The following KCNT1 variants were observed in gnomAD, a reference collection of about 807,000 sequenced individuals.
The protein encoded by KCNT1 is potassium sodium-activated channel subfamily T member 1.
Under a neutral mutation model 147.8 loss-of-function variants are expected in KCNT1, and 78 were observed. The ratio of observed to expected loss-of-function variants is 0.53; its 90% CI spans 0.44 to 0.64. The LOEUF (loss-of-function observed/expected upper bound fraction) is 0.64, where lower values mean the gene tolerates loss of function less well. KCNT1 is among the 30% of genes least tolerant of loss of function. KCNT1 has a pLI of 0.00. For missense variants in KCNT1, 1,419 were observed against 1,750.3 expected (o/e 0.81, Z 3.38); for synonymous variants, 867 against 748.8 (o/e 1.16, Z -2.58).
Position 135,737,319 on chromosome 9 carries a change from G to C in KCNT1, c.255-12779G>C, listed in dbSNP as rs556060280. Among the ~76,000 whole-genome samples the C allele has an allele frequency of 2.1e-3, 320 of 152,294 alleles. 2 individuals are homozygous for C. The highest frequency in any genetic ancestry group is 5.6e-3 in the South Asian group (27 of 4,824). On this transcript the variant is annotated intron_variant, in intron 2 of 30. Transcript: ENST00000371757. ...GTGGCCGTCCTCTGGGGATGGTTGG[G>C]CAGGTGGAGCAGCGCCTACCCCTCC...
intron 19 of KCNT1, among the ~76,000 whole-genome samples, chr9:135,774,699 G>T (rs768557082): frequency 6.6e-6 from 1 of 152,068 alleles, no homozygotes; most frequent in Non-Finnish European, 1.5e-5. Context: ...GTGTGCATAC[G>T]CCTGCATGTG....
Position 135,714,592 on chromosome 9 carries a change from G to A in KCNT1, c.126G>A (p.Gly42=), listed in dbSNP as rs1278186698. The A allele has an allele frequency of 7.9e-6, 11 of 1,389,062 alleles. No individual in the cohort carries two copies. Among genetic ancestry groups the A allele is most frequent in the African/African-American group, 1.5e-5 (1 of 65,962 alleles). The allele number at this position is 1,389,062 out of a possible 1,614,324, so 86.0% of individuals were successfully genotyped here. ...GTGCCCGCAGGCGGCCCTGCGCGGG[G>A]GACGGCGCGCTCCTGGACACCGCCG... ...GQCAPRRPCA[G]DGALLDTAGF... is the part of the protein sequence containing the mutation. The change falls in exon 2 of 31, where the codon GGG becomes GGA. Residue 42 remains glycine (G), a synonymous_variant. Transcript: ENST00000371757. The surrounding 1 kb of genome is among the most constrained non-coding windows in gnomAD (Gnocchi z 6.2).
rs1222700825 is a variant in KCNT1 at position 135,786,343 on chromosome 9, G to A, written c.3324G>A (p.Lys1108=). The A allele has an allele frequency of 3.8e-6, 6 of 1,590,742 alleles. No individual in the cohort carries two copies. In the East Asian group the frequency reaches 9.1e-5, roughly 24 times the overall value. ...DPAEHPLLRR[K]SLQWARRLSR... ...CAGAGCACCCACTGCTACGGCGCAA[G>A]AGCCTGCAGTGGGCCCGGAGGCTGA... Residue 1108 remains lysine (K), a synonymous_variant, in exon 29 of 31, where the codon AAG becomes AAA. Coordinates refer to ENST00000371757, the MANE Select transcript of KCNT1 (RefSeq NM_020822.3).
chr9:135,768,615 A>G lies in KCNT1; in HGVS notation c.1343A>G (p.Asp448Gly). Residue 448 changes from aspartate (D) to glycine (G), a missense_variant, in exon 14 of 31, where the codon GAC becomes GGC. Coordinates refer to ENST00000371757, the MANE Select transcript of KCNT1 (RefSeq NM_020822.3). ...KDQDLMRAKMDNGEACFILSS... is the reference protein window; with the variant it reads ...KDQDLMRAKMGNGEACFILSS... ...CAGGCCCTGGTGCATTGCAGGATGG[A>G]CAATGGGGAGGCCTGCTTCATCCTC... The G allele has an allele frequency of 6.5e-7, 1 of 1,550,246 alleles. No individual in the cohort carries two copies. Among genetic ancestry groups the G allele is most frequent in the Non-Finnish European group, 8.7e-7 (1 of 1,146,732 alleles).
Position 135,779,408 on chromosome 9 carries a change from A to G in KCNT1, c.2779A>G (p.Met927Val), listed in dbSNP as rs1486195544. The G allele has an allele frequency of 1.2e-6, 2 of 1,613,160 alleles. No individual in the cohort carries two copies. Among genetic ancestry groups the G allele is most frequent in the African/African-American group, 1.3e-5 (1 of 74,998 alleles). Residue 927 changes from methionine to valine, a missense_variant, in exon 24 of 31, where the codon ATG (methionine) becomes GTG (valine). Around this residue, in one of 5 missense-constraint regions of KCNT1, gnomAD observed 247 missense variants for 397.1 expected, o/e 0.62. Transcript: ENST00000371757. ...ITTELTHPSN[M>V]RFMQFRAKDS... is the part of the protein sequence containing the mutation. Reference sequence around the variant, plus strand: ...CACGGAGCTCACCCACCCTTCCAACATGCGCTTCATGCAGTTCCGCGCCAA... The same window carrying G: ...CACGGAGCTCACCCACCCTTCCAACGTGCGCTTCATGCAGTTCCGCGCCAA...
At chr9:135,774,410 TGG>T (rs1564376389) in intron 19 of KCNT1, among the ~76,000 whole-genome samples, 1 of 139,010 alleles carries the variant, frequency 7.2e-6, no homozygotes, top group Non-Finnish European at 1.5e-5. Context: ...CGTGTGTGTG[TGG>T]TGTGTGTCTG....
chr9:135,760,470 C>T (rs1439689888), intron 11 of KCNT1, among the ~76,000 whole-genome samples: 10 of 152,206 alleles, frequency 6.6e-5, no homozygotes, highest in Non-Finnish European at 1.3e-4. Flanking sequence ...AAGGAGGGGA[C>T]CCCTGTGGGT....
chr9:135,718,153 C>G (rs1835790758), intron 2 of KCNT1, among the ~76,000 whole-genome samples: 1 of 152,212 alleles, frequency 6.6e-6, no homozygotes, highest in African/African-American at 2.4e-5. Context: ...CATCCCATAT[C>G]TCCTCATCTT....
At chr9:135,721,222 C>T (rs1184988659) in intron 2 of KCNT1, among the ~76,000 whole-genome samples, 1 of 152,180 alleles carries the variant, frequency 6.6e-6, no homozygotes, top group African/African-American at 2.4e-5. Context: ...TCCGCTCCAG[C>T]ACCGGGTCCC....
chr9:135,727,227 T>C (rs1379864578), intron 2 of KCNT1, among the ~76,000 whole-genome samples: 32 of 24,588 alleles, frequency 1.3e-3, no homozygotes, highest in Middle Eastern at 0.019. Context: ...CTCTCTCTCT[T>C]TCCCATTCTC....
chr9:135,727,424 T>C, intron 2 of KCNT1, among the ~76,000 whole-genome samples: 1 of 118,088 alleles, frequency 8.5e-6, no homozygotes, highest in African/African-American at 3.1e-5. Context: ...TTTTCCCTTC[T>C]CTCCCCCCTC....
chr9:135,787,095 TTTGGGGGAACAG>T (rs879467470), intron 29 of KCNT1, among the ~76,000 whole-genome samples: 2 of 151,898 alleles, frequency 1.3e-5, no homozygotes, highest in Non-Finnish European at 2.9e-5. Context: ...GGGGGGAGAC[TTTGGGGGAACAG>T]TTGGGGGAAA....
intron 28 of KCNT1, 103 bp downstream of exon 28, chr9:135,785,433 G>A (rs1833966713): frequency 8.5e-6 from 9 of 1,062,154 alleles, no homozygotes; most frequent in Non-Finnish European, 1.1e-5. Context: ...CCACCCACAG[G>A]GCCCTGGGAA....
intron 24 of KCNT1, among the ~76,000 whole-genome samples, chr9:135,782,720 T>G (rs557355543): frequency 6.6e-6 from 1 of 152,318 alleles, no homozygotes; most frequent in East Asian, 1.9e-4. Flanking sequence ...TTAGCGTTGT[T>G]CTGAGTAAAG....
intron 23 of KCNT1, among the ~76,000 whole-genome samples, 160 bp downstream of exon 23, chr9:135,778,982 C>T (rs1314310723): frequency 6.8e-6 from 1 of 146,430 alleles, no homozygotes; most frequent in Non-Finnish European, 1.5e-5. Context: ...GCCACGACCA[C>T]GGGCCCTCGC....
intron 6 of KCNT1, among the ~76,000 whole-genome samples, chr9:135,756,555 C>T (rs1831491712): frequency 6.6e-6 from 1 of 152,180 alleles, no homozygotes; most frequent in East Asian, 1.9e-4. Flanking sequence ...GTTCCCTCCC[C>T]ACCAGGGCAG....
At chr9:135,745,583 G>A (rs867866589) in intron 2 of KCNT1, among the ~76,000 whole-genome samples, 26 of 152,230 alleles carry the variant, frequency 1.7e-4, no homozygotes, top group African/African-American at 6.0e-4. Context: ...AATGGAGCCT[G>A]TGAGCAAGGG....
chr9:135,791,818 A>G lies in KCNT1; in HGVS notation c.3524A>G (p.Asn1175Ser). The G allele has an allele frequency of 6.2e-7, 1 of 1,613,768 alleles. No individual in the cohort carries two copies. The highest frequency in any genetic ancestry group is 8.5e-7 in the Non-Finnish European group (1 of 1,179,902). Residue 1175 changes from asparagine to serine, a missense_variant, in exon 30 of 31, where the codon AAC (asparagine) becomes AGC (serine). Coordinates refer to ENST00000371757, the MANE Select transcript of KCNT1 (RefSeq NM_020822.3). The part of the protein sequence containing the change: ...TGYDEMNDHQ[N>S]TLSYVLINPP... ...GCAGACGAGATGAACGACCACCAGA[A>G]CACCCTCTCCTACGTCCTCATCAAC...
Position 135,784,030 on chromosome 9 carries a change from C to T in KCNT1, c.2848C>T (p.Arg950Ter), listed in dbSNP as rs1276883403. 3.7e-6 allele frequency: 6 copies of T among 1,606,224 alleles called. No individual in the cohort carries two copies. The highest frequency in any genetic ancestry group is 2.2e-5 in the East Asian group (1 of 44,880). The change falls in exon 25 of 31, where the codon CGA (arginine) becomes TGA (stop). Residue 950 changes from arginine (R) to a stop codon, truncating the protein, a stop_gained. Transcript: ENST00000371757. LOFTEE classifies it high-confidence loss of function. The part of the protein sequence containing the change: ...LALSKLEKRE[R>*]ENGSNLAFMF... ...GGCCCCTCCTTTCCCACAGAGGGAG[C>T]GAGAGAATGGCTCCAACCTGGCCTT...
Sources: gnomAD v4.1 joint callset for allele counts (sites outside exome capture counted in the v4.1 genomes callset) on GRCh38, gnomAD v4.1.1 for gene constraint, gnomAD v4.1.1 regional missense constraint, Gnocchi (gnomAD v3.1) non-coding constraint, MANE v1.5 for transcripts, NCBI Gene and HGNC (gene_info 2026-07-23, HGNC 2026-07-21) for gene names.